Variants in KTN1 observed in about 807,000 individuals in gnomAD.
KTN1 encodes kinectin.
Under a neutral mutation model 222.5 loss-of-function variants are expected in KTN1, and 130 were observed. That is an observed-to-expected ratio of 0.58 (90% CI 0.51 to 0.68). KTN1 has a LOEUF of 0.68. Ranked by LOEUF, KTN1 falls within the 30% of genes least tolerant of loss-of-function variation. KTN1 has a pLI of 0.00. For synonymous variants in KTN1, 512 were observed against 496.3 expected (o/e 1.03, Z -0.42); for missense variants, 1,508 against 1,500.4 (o/e 1.01, Z -0.08).
chr14:55,642,427 T>C (rs2041892365), intron 18 of KTN1, among the ~76,000 whole-genome samples: 1 of 152,202 alleles, frequency 6.6e-6, no homozygotes, highest in Admixed American at 6.5e-5. Context: ...TTCCATAAAT[T>C]AGAGCCCAGT....
intron 1 of KTN1, among the ~76,000 whole-genome samples, chr14:55,598,466 C>CG (rs1443757623): frequency 6.7e-6 from 1 of 149,976 alleles, no homozygotes; most frequent in Non-Finnish European, 1.5e-5. Flanking sequence ...ATTGGTTCCT[C>CG]AATCAGTCAT....
intron 1 of KTN1, among the ~76,000 whole-genome samples, chr14:55,590,018 A>C (rs1351387242): frequency 6.6e-6 from 1 of 152,154 alleles, no homozygotes; most frequent in Non-Finnish European, 1.5e-5. Context: ...AACAAAAAAA[A>C]CCACACATAC....
intron 2 of KTN1, 103 bp from the exon 3 acceptor site, chr14:55,616,414 A>G: frequency 1.8e-6 from 2 of 1,089,478 alleles, no homozygotes; most frequent in Admixed American, 2.8e-5. Flanking sequence ...TCAGACTTTA[A>G]ATTTTTAGTG....
At chr14:55,586,356 C>T (rs1253426151) in intron 1 of KTN1, among the ~76,000 whole-genome samples, 1 of 152,142 alleles carries the variant, frequency 6.6e-6, no homozygotes, top group Non-Finnish European at 1.5e-5. Context: ...GTAGTTGCCT[C>T]ATAAGTGATA....
chr14:55,636,399 A>G (rs1348053929), intron 9 of KTN1, 50 bp from the exon 10 acceptor site: 14 of 1,408,024 alleles, frequency 9.9e-6, no homozygotes, highest in Admixed American at 3.9e-5. Flanking sequence ...TTCAAAGTAG[A>G]AATTCTGTGT....
rs1251932293 is a variant in KTN1 at position 55,646,436 on chromosome 14, C to CTTTCCTTTTCCTTTTCCTTTTCCT, written c.2173-528_2173-505dup. On this transcript the variant is annotated intron_variant, in intron 18 of 43. Transcript: ENST00000395314. ...TTTTTTCCTTTCTTTCCTTCCTTTC[C>CTTTCCTTTTCCTTTTCCTTTTCCT]TTTCCTTTTCCTTTTCCTTTTCCTT... 8.8e-4 allele frequency among the ~76,000 whole-genome samples: 85 copies of CTTTCCTTTTCCTTTTCCTTTTCCT among 96,882 alleles called. 4 individuals are homozygous for CTTTCCTTTTCCTTTTCCTTTTCCT. Among genetic ancestry groups the CTTTCCTTTTCCTTTTCCTTTTCCT allele is most frequent in the African/African-American group, 3.6e-3 (84 of 23,040 alleles). The allele number at this position is 96,882 out of a possible 152,430, so 63.6% of individuals were successfully genotyped here.
intron 34 of KTN1, 106 bp downstream of exon 34, chr14:55,667,436 T>C: frequency 1.7e-6 from 1 of 572,022 alleles, no homozygotes; most frequent in African/African-American, 2.0e-5. Flanking sequence ...TGCTGATTTC[T>C]TGATCTTTCC....
intron 29 of KTN1, among the ~76,000 whole-genome samples, chr14:55,657,480 T>C (rs1328313778): frequency 2.0e-5 from 3 of 152,024 alleles, no homozygotes; most frequent in Admixed American, 1.3e-4. Context: ...TATGAGGTGA[T>C]TTATTTTCCC....
At chr14:55,586,782 T>C (rs2033100148) in intron 1 of KTN1, among the ~76,000 whole-genome samples, 1 of 152,164 alleles carries the variant, frequency 6.6e-6, no homozygotes, top group Non-Finnish European at 1.5e-5. Context: ...AAAAGCTACT[T>C]AAACCACATG....
intron 29 of KTN1, among the ~76,000 whole-genome samples, chr14:55,658,292 C>T (rs1226553584): frequency 6.6e-6 from 1 of 152,170 alleles, no homozygotes; most frequent in African/African-American, 2.4e-5. Context: ...TCACTTCATA[C>T]TAAATTCTTA....
At chr14:55,677,049 A>G (rs1021740821) in intron 41 of KTN1, among the ~76,000 whole-genome samples, 8 of 152,244 alleles carry the variant, frequency 5.3e-5, no homozygotes, top group African/African-American at 9.6e-5. Context: ...GCTCAAAGTT[A>G]TATAATAGAT....
At position 55,658,604 on chromosome 14, in the gene KTN1, A is replaced by G. The variant is rs755624137; in HGVS notation, c.2951A>G (p.Asn984Ser). 1 of 1,603,318 alleles carries G rather than the reference A, an allele frequency of 6.2e-7. No homozygotes were observed. The highest frequency in any genetic ancestry group is 8.5e-7 in the Non-Finnish European group (1 of 1,171,748). ...KSQIEQLKQQ[N>S]YQQASSFPPH... The stretch of plus-strand genomic sequence containing the variant: ...CAAATTGAGCAGCTTAAACAACAAA[A>G]CTACCAACAGGTAGGTATTATTAGA... Residue 984 changes from asparagine (N) to serine (S), a missense_variant, in exon 30 of 44, where the codon AAC (asparagine) becomes AGC (serine). Physicochemically the swap from Asn to Ser is conservative, Grantham distance 46. Coordinates refer to ENST00000395314, the MANE Select transcript of KTN1 (RefSeq NM_001079521.2).
intron 31 of KTN1, among the ~76,000 whole-genome samples, chr14:55,660,429 T>A (rs1327784877): frequency 6.6e-6 from 1 of 150,670 alleles, no homozygotes; most frequent in Non-Finnish European, 1.5e-5. Flanking sequence ...CTTTTTCTTG[T>A]TGGCCTGTAA....
intron 1 of KTN1, among the ~76,000 whole-genome samples, chr14:55,606,049 A>C (rs1427632720): frequency 6.6e-6 from 1 of 152,222 alleles, no homozygotes; most frequent in South Asian, 2.1e-4. Flanking sequence ...ATTTAGATTC[A>C]GTGTGATCAG....
At chr14:55,615,888 C>T (rs146769804) in intron 2 of KTN1, among the ~76,000 whole-genome samples, 15 of 139,942 alleles carry the variant, frequency 1.1e-4, no homozygotes, top group African/African-American at 3.5e-4. Flanking sequence ...CTTTCTTTCT[C>T]TCTTTCTCTC....
At position 55,670,721 on chromosome 14, in the gene KTN1, G is replaced by C. The variant is rs770539199; in HGVS notation, c.3268-8G>C. ...GAAATTAATGATTTTAACTTTTCTC[G>C]TCCACAGAGTTATGGTGAATGGTTG... is the stretch of plus-strand genomic sequence containing the variant. On this transcript the variant is annotated splice_polypyrimidine_tract_variant and splice_region_variant and intron_variant, in intron 34 of 43. Coordinates refer to ENST00000395314, the MANE Select transcript of KTN1 (RefSeq NM_001079521.2). 1.3e-6 allele frequency: 2 copies of C among 1,546,242 alleles called. No homozygotes were observed. The highest frequency in any genetic ancestry group is 2.8e-5 in the African/African-American group (2 of 71,970).
intron 22 of KTN1, 23 bp from the exon 23 acceptor site, chr14:55,650,305 T>G (rs1251653258): frequency 6.7e-7 from 1 of 1,501,432 alleles, no homozygotes; most frequent in Non-Finnish European, 9.1e-7. Flanking sequence ...CTAATCAAAT[T>G]ATACTGCATT....
At chr14:55,594,718 C>T (rs1046869815) in intron 1 of KTN1, among the ~76,000 whole-genome samples, 10 of 151,944 alleles carry the variant, frequency 6.6e-5, no homozygotes, top group African/African-American at 2.2e-4. Context: ...AGTTTTCACA[C>T]GTAGGTAAAT....
chr14:55,670,099 A>G (rs900083222), intron 34 of KTN1, among the ~76,000 whole-genome samples: 5 of 152,064 alleles, frequency 3.3e-5, no homozygotes, highest in African/African-American at 1.2e-4. Context: ...TACATCAGCT[A>G]ACCTGTCAGC....
Sources: gnomAD v4.1 joint callset for allele counts (sites outside exome capture counted in the v4.1 genomes callset) on GRCh38, gnomAD v4.1.1 for gene constraint, MANE v1.5 for transcripts, NCBI Gene and HGNC (gene_info 2026-07-23, HGNC 2026-07-21) for gene names.